MSI2: variants seen among roughly 807,000 people sequenced by gnomAD.
MSI2 encodes the protein RNA-binding protein Musashi homolog 2.
Under a neutral mutation model 45.6 loss-of-function variants are expected in MSI2, and 17 were observed. The ratio of observed to expected loss-of-function variants is 0.37; its 90% CI spans 0.26 to 0.56. MSI2 has a LOEUF of 0.56. Ranked by LOEUF, MSI2 falls within the 20% of genes least tolerant of loss-of-function variation. MSI2 has a pLI of 0.77. For missense variants in MSI2, 293 were observed against 444.2 expected (o/e 0.66, Z 3.06); for synonymous variants, 156 against 158.2 (o/e 0.99, Z 0.11).
chr17:57,264,232 G>C (rs768345292), intron 5 of MSI2: 3 of 152,038 alleles, frequency 2.0e-5, no homozygotes, highest in Non-Finnish European at 4.4e-5. Flanking sequence ...GTGTGAATTT[G>C]AACAGGTCGT....
intron 10 of MSI2, among the ~76,000 whole-genome samples, chr17:57,647,798 C>T (rs1303442110): frequency 2.0e-5 from 3 of 151,890 alleles, no homozygotes; most frequent in African/African-American, 7.3e-5. Context: ...TGCGCCACCA[C>T]ACCCAGCTAA....
the MSI2 span, among the ~76,000 whole-genome samples, chr17:57,700,532 G>A: frequency 6.6e-6 from 1 of 152,118 alleles, no homozygotes. Flanking sequence ...TGTGTCAGTG[G>A]GCATGTGGAA....
At position 57,310,284 on chromosome 17, in the gene MSI2, G is replaced by A. The variant is rs1019155146; in HGVS notation, c.312+48092G>A. ...GCACAGGGCACCTGGGAATGACAGC[G>A]GGCCTGAGAGCAGAGCTCAGTGGAG... On this transcript the variant is annotated intron_variant, in intron 5 of 13. Transcript: ENST00000284073. 1.4e-4 allele frequency among the ~76,000 whole-genome samples: 21 copies of A among 152,254 alleles called. No homozygotes were observed. In the East Asian group the frequency reaches 3.3e-3, roughly 24 times the overall value.
At chr17:57,657,992 C>A (rs1465443461) in intron 11 of MSI2, among the ~76,000 whole-genome samples, 1 of 152,196 alleles carries the variant, frequency 6.6e-6, no homozygotes, top group Non-Finnish European at 1.5e-5. Flanking sequence ...CTCAGAATGA[C>A]CACTGTCAGC....
chr17:57,636,633 GA>G (rs1330232360), intron 10 of MSI2, among the ~76,000 whole-genome samples: 9 of 152,234 alleles, frequency 5.9e-5, no homozygotes, highest in Admixed American at 1.3e-4. Flanking sequence ...CTTGTCTGCG[GA>G]GGCGATTCCA....
chr17:57,603,631 G>A (rs1350597765), intron 8 of MSI2, among the ~76,000 whole-genome samples: 2 of 152,252 alleles, frequency 1.3e-5, no homozygotes, highest in Non-Finnish European at 2.9e-5. Flanking sequence ...CCAGGGGCCA[G>A]CAAATTTTCT....
intron 7 of MSI2, among the ~76,000 whole-genome samples, chr17:57,564,321 A>G (rs1334744504): frequency 6.6e-6 from 1 of 152,218 alleles, no homozygotes; most frequent in African/African-American, 2.4e-5. Context: ...TAACAATGGT[A>G]TGGCCGTGGC....
chr17:57,305,350 A>G (rs1911789534), intron 5 of MSI2, among the ~76,000 whole-genome samples: 1 of 152,124 alleles, frequency 6.6e-6, no homozygotes, highest in Non-Finnish European at 1.5e-5. Context: ...TAAGAGCAGC[A>G]TTGTTCTCTG....
intron 6 of MSI2, among the ~76,000 whole-genome samples, chr17:57,500,795 A>G (rs1428542210): frequency 1.3e-5 from 2 of 150,562 alleles, no homozygotes; most frequent in Non-Finnish European, 3.0e-5. Context: ...TCTACCAAAA[A>G]AAAAAAAAAA....
At chr17:57,440,553 G>A (rs1183234533) in intron 6 of MSI2, 1 of 152,050 alleles carries the variant, frequency 6.6e-6, no homozygotes. Context: ...GAAGGCCAGA[G>A]GGCTTTGCTG....
chr17:57,564,634 A>G (rs1309008426), intron 7 of MSI2, among the ~76,000 whole-genome samples: 1 of 152,202 alleles, frequency 6.6e-6, no homozygotes, highest in Non-Finnish European at 1.5e-5. Context: ...TATTTAGGGC[A>G]TTTATGGAGC....
intron 6 of MSI2, among the ~76,000 whole-genome samples, chr17:57,450,747 C>G (rs987483898): frequency 2.0e-5 from 3 of 151,550 alleles, no homozygotes; most frequent in Non-Finnish European, 2.9e-5. Flanking sequence ...CCCCTCCCCC[C>G]ACCTGCTGGC....
At chr17:57,693,814 T>C in the MSI2 span, among the ~76,000 whole-genome samples, 1 of 152,250 alleles carries the variant, frequency 6.6e-6, no homozygotes, top group African/African-American at 2.4e-5. Context: ...GTAAAGGCTG[T>C]AGTAAATATG....
At chr17:57,622,849 T>A (rs1345449235) in intron 9 of MSI2, among the ~76,000 whole-genome samples, 2 of 152,210 alleles carry the variant, frequency 1.3e-5, no homozygotes, top group Non-Finnish European at 2.9e-5. Flanking sequence ...AGCCGCTTCC[T>A]GGTGGACAGA....
chr17:57,627,993 A>G lies in MSI2; in HGVS notation c.727+690A>G, dbSNP rs557149863. 1.3e-5 allele frequency: 2 copies of G among 153,406 alleles called. No homozygotes were observed. Among genetic ancestry groups the G allele is most frequent in the East Asian group, 1.9e-4 (1 of 5,190 alleles). 9.5% of individuals were successfully genotyped at this position (153,406 alleles called of 1,614,324 possible). ...CCTGGGAGAAGCAGCGAGGGGAAAC[A>G]TGGTCTTGTAGGGATGGGGTAGGGA... On this transcript the variant is annotated intron_variant, in intron 10 of 13. Transcript: ENST00000284073. The surrounding 1 kb of genome is among the most constrained non-coding windows in gnomAD (Gnocchi z 4.6).
intron 5 of MSI2, chr17:57,268,370 G>A (rs1182707089): frequency 6.6e-6 from 1 of 152,124 alleles, no homozygotes; most frequent in Non-Finnish European, 1.5e-5. Context: ...GGAGTGGGGT[G>A]GACCATATCT....
intron 5 of MSI2, among the ~76,000 whole-genome samples, chr17:57,301,956 A>G (rs1375444486): frequency 6.6e-6 from 1 of 152,160 alleles, no homozygotes; most frequent in African/African-American, 2.4e-5. Flanking sequence ...CTTTTGTGAT[A>G]TATTGTAGTT....
upstream of MSI2, chr17:57,256,460 A>C: frequency 3.1e-5 from 3 of 95,558 alleles, no homozygotes; most frequent in Non-Finnish European, 3.7e-5. Context: ...GGAGGAGGAG[A>C]TGGGGGTGGG....
At chr17:57,417,612 G>A (rs943133922) in intron 6 of MSI2, among the ~76,000 whole-genome samples, 2 of 152,146 alleles carry the variant, frequency 1.3e-5, no homozygotes, top group African/African-American at 4.8e-5. Context: ...AACGGTAGAT[G>A]TGATCTTTTC....
Sources: gnomAD v4.1 joint callset for allele counts (sites outside exome capture counted in the v4.1 genomes callset) on GRCh38, gnomAD v4.1.1 for gene constraint, Gnocchi (gnomAD v3.1) non-coding constraint, MANE v1.5 for transcripts, NCBI Gene and HGNC (gene_info 2026-07-23, HGNC 2026-07-21) for gene names.